NEK1: variants seen among roughly 807,000 people sequenced by gnomAD.
The protein encoded by NEK1 is serine/threonine-protein kinase Nek1.
In NEK1, 137 loss-of-function variants were observed where a neutral mutation model predicts 182.1. The ratio of observed to expected loss-of-function variants is 0.75; its 90% CI spans 0.65 to 0.87. The LOEUF is 0.87. Ranked by LOEUF, NEK1 falls within the 40% of genes least tolerant of loss-of-function variation. The pLI is 0.00. For synonymous variants in NEK1, 513 were observed against 492.2 expected, an observed-to-expected ratio of 1.04 and a Z score of -0.56; for missense variants, 1,391 against 1,494.4, an observed-to-expected ratio of 0.93 and a Z score of 1.14.
chr4:169,568,641 A>C (rs182999663), intron 12 of NEK1, among the ~76,000 whole-genome samples: 76 of 152,304 alleles, frequency 5.0e-4, no homozygotes, highest in Non-Finnish European at 5.9e-4. Flanking sequence ...ATATATTTGA[A>C]TATAAATAGG....
intron 18 of NEK1, among the ~76,000 whole-genome samples, chr4:169,546,464 T>C (rs1287652788): frequency 6.6e-6 from 1 of 152,164 alleles, no homozygotes. Flanking sequence ...CCCTGTTGAT[T>C]TGGGGTGGAG....
At chr4:169,549,339 G>A (rs1761056995) in intron 18 of NEK1, among the ~76,000 whole-genome samples, 1 of 152,188 alleles carries the variant, frequency 6.6e-6, no homozygotes, top group African/African-American at 2.4e-5. Flanking sequence ...AGTTGGAAAT[G>A]CAGGAATCAC....
chr4:169,422,315 C>A (rs1175970141), intron 31 of NEK1, among the ~76,000 whole-genome samples: 1 of 152,180 alleles, frequency 6.6e-6, no homozygotes, highest in Non-Finnish European at 1.5e-5. Context: ...AAGAAGGATA[C>A]TGTGCTCAAA....
At chr4:169,557,939 A>G (rs1762386559) in intron 16 of NEK1, among the ~76,000 whole-genome samples, 1 of 152,184 alleles carries the variant, frequency 6.6e-6, no homozygotes, top group Non-Finnish European at 1.5e-5. Context: ...TCAAAAAATA[A>G]GTAAATAAAT....
At chr4:169,545,053 C>CTTTTTTTT (rs200190997) in intron 18 of NEK1, among the ~76,000 whole-genome samples, 1 of 137,908 alleles carries the variant, frequency 7.3e-6, no homozygotes. Flanking sequence ...TTCTCTGATT[C>CTTTTTTTT]TTTTTTTTTT....
At chr4:169,409,377 C>T (rs1278876544) in intron 31 of NEK1, among the ~76,000 whole-genome samples, 1 of 152,100 alleles carries the variant, frequency 6.6e-6, no homozygotes, top group African/African-American at 2.4e-5. Flanking sequence ...ATCTCCTGAC[C>T]TCATGATCTG....
rs115922044 is a variant in NEK1, at chr4:169,500,719, G to T, written c.2007+6318C>A. ...TTTCCCAGACAAGCAATTGCTAAGAGAATTTGTCACCAGCAGATAGGCCCC... is the reference window on the plus strand; with the variant it reads ...TTTCCCAGACAAGCAATTGCTAAGATAATTTGTCACCAGCAGATAGGCCCC... On this transcript the variant is annotated intron_variant, in intron 23 of 35. Transcript: ENST00000507142. Among the ~76,000 whole-genome samples, 1,252 of 152,248 alleles carry T rather than the reference G, an allele frequency of 8.2e-3. 15 individuals are homozygous for T. Among genetic ancestry groups the T allele is most frequent in the African/African-American group, 0.029 (1,186 of 41,540 alleles).
At chr4:169,404,800 C>CT (rs879501249) in intron 32 of NEK1, among the ~76,000 whole-genome samples, 1 of 151,366 alleles carries the variant, frequency 6.6e-6, no homozygotes, top group Admixed American at 6.6e-5. Context: ...TTTAATTTTA[C>CT]TTTAAGTTTT....
intron 12 of NEK1, among the ~76,000 whole-genome samples, chr4:169,565,857 A>C (rs1763595844): frequency 6.6e-6 from 1 of 152,182 alleles, no homozygotes. Context: ...TTGGGGTGAT[A>C]AAAATGTTCT....
chr4:169,581,643 A>G (rs1030361550), intron 10 of NEK1, among the ~76,000 whole-genome samples: 14 of 152,170 alleles, frequency 9.2e-5, no homozygotes, highest in Non-Finnish European at 2.1e-4. Flanking sequence ...AATGTAATGA[A>G]CAAGGTAGGC....
chr4:169,508,630 G>T (rs1580334326), intron 20 of NEK1, 139 bp downstream of exon 20: 2 of 588,756 alleles, frequency 3.4e-6, no homozygotes, highest in East Asian at 6.3e-5. Context: ...CAGAATGTCA[G>T]TCAAAAATAT....
intron 31 of NEK1, among the ~76,000 whole-genome samples, chr4:169,412,586 G>C (rs1243285158): frequency 6.6e-6 from 1 of 152,042 alleles, no homozygotes; most frequent in Non-Finnish European, 1.5e-5. Context: ...GATTTGGTAA[G>C]GTACAAAGCA....
At chr4:169,464,998 T>G (rs1380281857) in intron 26 of NEK1, among the ~76,000 whole-genome samples, 2 of 152,034 alleles carry the variant, frequency 1.3e-5, no homozygotes, top group African/African-American at 4.8e-5. Flanking sequence ...AGTAGTAACA[T>G]ACAGGATATA....
At chr4:169,397,047 T>G (rs189634115) in intron 35 of NEK1, among the ~76,000 whole-genome samples, 36 of 152,122 alleles carry the variant, frequency 2.4e-4, no homozygotes, top group African/African-American at 8.7e-4. Flanking sequence ...CATGGCGAAA[T>G]GCCATCTCTG....
chr4:169,584,538 G>A (rs1767206663), intron 10 of NEK1, among the ~76,000 whole-genome samples: 1 of 152,136 alleles, frequency 6.6e-6, no homozygotes, highest in Admixed American at 6.5e-5. Flanking sequence ...CTTGAGCCCA[G>A]GAGATGGCAG....
chr4:169,589,570 AG>A, intron 6 of NEK1, 56 bp from the exon 7 acceptor site: 1 of 1,073,740 alleles, frequency 9.3e-7, no homozygotes, highest in Middle Eastern at 2.1e-4. Flanking sequence ...TCCAGTTCTA[AG>A]TCAACATTTT....
At chr4:169,529,232 C>T (rs1025857436) in intron 19 of NEK1, among the ~76,000 whole-genome samples, 2 of 152,010 alleles carry the variant, frequency 1.3e-5, no homozygotes, top group African/African-American at 4.8e-5. Context: ...AAATTGTATG[C>T]TTATATCAAA....
At chr4:169,449,233 G>C (rs1258410857) in intron 27 of NEK1, among the ~76,000 whole-genome samples, 1 of 152,276 alleles carries the variant, frequency 6.6e-6, no homozygotes, top group African/African-American at 2.4e-5. Flanking sequence ...GCAGGGCATA[G>C]CTGAACAAAA....
At chr4:169,609,808 C>T (rs940461166) in intron 2 of NEK1, among the ~76,000 whole-genome samples, 23 of 152,212 alleles carry the variant, frequency 1.5e-4, no homozygotes, top group African/African-American at 5.5e-4. Context: ...ACAATAATAT[C>T]TGATAGAAAT....
Sources: allele counts gnomAD v4.1 joint callset (sites outside exome capture counted in the v4.1 genomes callset), GRCh38; gene constraint gnomAD v4.1.1; transcripts MANE v1.5; gene names NCBI Gene and HGNC (gene_info 2026-07-23, HGNC 2026-07-21).